The following CDC14A variants were observed in gnomAD, a reference collection of about 807,000 sequenced individuals.
CDC14A encodes the protein cell division cycle 14A, also known as dual specificity protein phosphatase CDC14A.
A neutral mutation model predicts 74.4 loss-of-function variants in CDC14A; 53 were observed. The ratio of observed to expected loss-of-function variants is 0.71; its 90% CI spans 0.57 to 0.89. CDC14A has a LOEUF of 0.89. CDC14A is among the 40% of genes least tolerant of loss of function. The probability of loss-of-function intolerance (pLI) is 0.00; values close to 1 mark genes in which losing one functional copy is unlikely to be tolerated. For missense variants in CDC14A, 646 were observed against 713.7 expected (o/e 0.91, Z 1.08); for synonymous variants, 247 against 258.4 (o/e 0.96, Z 0.43).
At position 100,498,171 on chromosome 1, in the gene CDC14A, A is replaced by T. The variant is rs780896650; in HGVS notation, c.1385A>T (p.Asn462Ile). The change falls in exon 14 of 16, where the codon AAC (asparagine) becomes ATC (isoleucine). Residue 462 changes from asparagine (N) to isoleucine (I), a missense_variant. Coordinates refer to ENST00000336454, the MANE Select transcript of CDC14A (RefSeq NM_003672.4). ...LSPSATAKRINRTSLSSGATV... is the reference protein window; with the variant it reads ...LSPSATAKRIIRTSLSSGATV... Reference sequence around the variant, plus strand: ...CCTTCAGCAACGGCCAAGAGGATCAACAGAACTTCTTTGTCTTCGGGTGCC... The same window carrying T: ...CCTTCAGCAACGGCCAAGAGGATCATCAGAACTTCTTTGTCTTCGGGTGCC... 1.2e-6 allele frequency: 2 copies of T among 1,614,160 alleles called. No homozygotes were observed. Among genetic ancestry groups the T allele is most frequent in the Non-Finnish European group, 1.7e-6 (2 of 1,179,980 alleles).
intron 4 of CDC14A, among the ~76,000 whole-genome samples, chr1:100,420,807 G>A (rs1662276281): frequency 1.3e-5 from 2 of 152,120 alleles, no homozygotes; most frequent in Admixed American, 1.3e-4. Context: ...CTGGTTTGTA[G>A]TAGGGTAAAT....
intron 2 of CDC14A, among the ~76,000 whole-genome samples, chr1:100,364,062 G>A (rs1653187815): frequency 1.3e-5 from 2 of 152,190 alleles, no homozygotes; most frequent in South Asian, 4.2e-4. Flanking sequence ...TTAGGAGGTC[G>A]AGGCTTCAGT....
rs918355146 is a variant in CDC14A at position 100,398,966 on chromosome 1, G to A, written c.309+8142G>A. Among the ~76,000 whole-genome samples, 3 of 152,098 alleles carry A rather than the reference G, an allele frequency of 2.0e-5. No homozygotes were observed. In the East Asian group the frequency reaches 5.8e-4, roughly 29 times the overall value. On this transcript the variant is annotated intron_variant, in intron 4 of 15. Coordinates refer to ENST00000336454, the MANE Select transcript of CDC14A (RefSeq NM_003672.4). ...TTTTCTGGTGGTAGGGGAGTGAAGG[G>A]AGGCTGGAAGAAAACTAGTTATTTT... is the stretch of plus-strand genomic sequence containing the variant.
At chr1:100,443,785 A>C (rs1326341619) in intron 7 of CDC14A, among the ~76,000 whole-genome samples, 1 of 152,190 alleles carries the variant, frequency 6.6e-6, no homozygotes, top group East Asian at 1.9e-4. Flanking sequence ...GGCAAAGGCT[A>C]TCTCCAAGCT....
chr1:100,507,837 G>T (rs933306388), intron 15 of CDC14A, among the ~76,000 whole-genome samples: 1 of 151,894 alleles, frequency 6.6e-6, no homozygotes, highest in Non-Finnish European at 1.5e-5. Flanking sequence ...GCACCACCAC[G>T]CCTGGCTAAT....
At chr1:100,434,055 AAAC>A (rs1168588203) in intron 5 of CDC14A, among the ~76,000 whole-genome samples, 4 of 152,230 alleles carry the variant, frequency 2.6e-5, no homozygotes, top group Non-Finnish European at 5.9e-5. Context: ...AACACAAAAT[AAAC>A]AACAAGTCCC....
chr1:100,502,514 A>G (rs1188467876), intron 15 of CDC14A, among the ~76,000 whole-genome samples: 1 of 152,224 alleles, frequency 6.6e-6, no homozygotes, highest in Non-Finnish European at 1.5e-5. Context: ...AGTGCACTCT[A>G]TCGTGCACAC....
chr1:100,498,166 G>T lies in CDC14A; in HGVS notation c.1380G>T (p.Arg460Ser). The T allele has an allele frequency of 3.7e-6, 6 of 1,614,116 alleles. No homozygotes were observed. The highest frequency in any genetic ancestry group is 5.1e-6 in the Non-Finnish European group (6 of 1,179,966). ...MALSPSATAK[R>S]INRTSLSSGA... ...TGTCCCCTTCAGCAACGGCCAAGAG[G>T]ATCAACAGAACTTCTTTGTCTTCGG... The change falls in exon 14 of 16, where the codon AGG becomes AGT. Residue 460 changes from arginine (R) to serine (S), a missense_variant. Physicochemically the swap from Arg to Ser is moderately radical, Grantham distance 110 (BLOSUM62 -1). Coordinates refer to ENST00000336454, the MANE Select transcript of CDC14A (RefSeq NM_003672.4).
At chr1:100,384,274 CAG>C (rs1656544181) in intron 3 of CDC14A, among the ~76,000 whole-genome samples, 2 of 152,136 alleles carry the variant, frequency 1.3e-5, no homozygotes, top group African/African-American at 4.8e-5. Flanking sequence ...ATTTACATAA[CAG>C]GGGCAAAACT....
chr1:100,412,351 G>A (rs1300885148), intron 4 of CDC14A, among the ~76,000 whole-genome samples: 3 of 151,962 alleles, frequency 2.0e-5, no homozygotes, highest in Non-Finnish European at 4.4e-5. Context: ...ATATACAAGG[G>A]ATATGCCATG....
At chr1:100,410,224 A>G (rs535291228) in intron 4 of CDC14A, among the ~76,000 whole-genome samples, 18 of 151,496 alleles carry the variant, frequency 1.2e-4, no homozygotes, top group African/African-American at 4.3e-4. Context: ...AAAAAAAAAG[A>G]AAAAAAAATT....
chr1:100,474,648 C>T (rs1668716867), intron 10 of CDC14A, among the ~76,000 whole-genome samples: 1 of 150,468 alleles, frequency 6.6e-6, no homozygotes. Context: ...TTTGCAGAGC[C>T]TGTAGTGATT....
chr1:100,411,470 C>T (rs1660704899), intron 4 of CDC14A, among the ~76,000 whole-genome samples: 1 of 151,694 alleles, frequency 6.6e-6, no homozygotes, highest in Non-Finnish European at 1.5e-5. Context: ...TTTGTTTTTC[C>T]TTCCTTTTCC....
chr1:100,430,998 C>T (rs1335245627), intron 5 of CDC14A, among the ~76,000 whole-genome samples: 1 of 152,128 alleles, frequency 6.6e-6, no homozygotes, highest in Non-Finnish European at 1.5e-5. Flanking sequence ...TGGGGATGTG[C>T]CAATTTCCTG....
chr1:100,514,884 T>C (rs578072019), intron 15 of CDC14A, among the ~76,000 whole-genome samples: 43 of 152,346 alleles, frequency 2.8e-4, no homozygotes, highest in Non-Finnish European at 4.9e-4. Flanking sequence ...ATATTGTTCA[T>C]GGAATTCAAA....
At chr1:100,484,264 G>C (rs762455101) in intron 10 of CDC14A, 28 bp from the exon 11 acceptor site, 2 of 1,360,786 alleles carry the variant, frequency 1.5e-6, no homozygotes, top group East Asian at 5.2e-5. Context: ...TTTTCTTGTC[G>C]TTTTGTTTTG....
intron 10 of CDC14A, among the ~76,000 whole-genome samples, chr1:100,470,646 G>A (rs146150174): frequency 6.6e-5 from 10 of 152,040 alleles, no homozygotes; most frequent in African/African-American, 2.2e-4. Flanking sequence ...TTTTGAATGG[G>A]CAAAAGCCTT....
chr1:100,350,237 G>T (rs1165895343), upstream of CDC14A, among the ~76,000 whole-genome samples: 3 of 152,182 alleles, frequency 2.0e-5, no homozygotes, highest in Admixed American at 1.3e-4. Context: ...TTACAGGCAT[G>T]AGCCACCGCG....
chr1:100,367,563 T>C (rs1303644431), intron 2 of CDC14A, among the ~76,000 whole-genome samples: 1 of 152,210 alleles, frequency 6.6e-6, no homozygotes, highest in African/African-American at 2.4e-5. Flanking sequence ...TTATTTTAAA[T>C]ACATAAATAG....
Sources: gnomAD v4.1 joint callset for allele counts (sites outside exome capture counted in the v4.1 genomes callset) on GRCh38, gnomAD v4.1.1 for gene constraint, MANE v1.5 for transcripts, NCBI Gene and HGNC (gene_info 2026-07-23, HGNC 2026-07-21) for gene names.